The following ACACB variants were observed in gnomAD, a reference collection of about 807,000 sequenced individuals.
The protein encoded by ACACB is acetyl-CoA carboxylase 2.
Under a neutral mutation model 278.8 loss-of-function variants are expected in ACACB, and 209 were observed. The observed-to-expected ratio is 0.75, with a 90% CI of 0.67 to 0.84. The LOEUF (loss-of-function observed/expected upper bound fraction) is 0.84. Ranked by LOEUF, ACACB falls within the 40% of genes least tolerant of loss-of-function variation. The probability of loss-of-function intolerance (pLI) is 0.00; values close to 1 mark genes in which losing one functional copy is unlikely to be tolerated. For missense variants in ACACB, 2,850 were observed against 3,269.0 expected (o/e 0.87, Z 3.13); for synonymous variants, 1,174 against 1,285.6 (o/e 0.91, Z 1.86).
chr12:109,149,132 A>G (rs963961343), intron 2 of ACACB, among the ~76,000 whole-genome samples: 12 of 152,272 alleles, frequency 7.9e-5, no homozygotes, highest in Admixed American at 2.0e-4. Flanking sequence ...TGGATGTGAA[A>G]TCAGTCAACG....
At chr12:109,146,056 T>G (rs1340680091) in intron 2 of ACACB, among the ~76,000 whole-genome samples, 1 of 152,212 alleles carries the variant, frequency 6.6e-6, no homozygotes, top group Non-Finnish European at 1.5e-5. Context: ...CTAAATAATC[T>G]GTATCCTCTG....
At chr12:109,166,800 C>T (rs975360803) in intron 2 of ACACB, 61 bp from the exon 3 acceptor site, 21 of 1,610,036 alleles carry the variant, frequency 1.3e-5, no homozygotes, top group Non-Finnish European at 1.7e-5. Flanking sequence ...TTACAGGTGC[C>T]GAGCTCTGAG....
intron 2 of ACACB, among the ~76,000 whole-genome samples, chr12:109,164,480 C>T (rs2043835222): frequency 6.6e-6 from 1 of 152,146 alleles, no homozygotes; most frequent in Admixed American, 6.5e-5. Flanking sequence ...GATCTACCCA[C>T]CTCAGCCTCC....
chr12:109,119,589 CAAA>C (rs11360249), intron 1 of ACACB, among the ~76,000 whole-genome samples: 3 of 120,488 alleles, frequency 2.5e-5, no homozygotes, highest in Admixed American at 8.3e-5. Context: ...GACTCTGTCT[CAAA>C]AAAAAAAAAA....
intron 13 of ACACB, among the ~76,000 whole-genome samples, chr12:109,189,282 T>G (rs2044778742): frequency 6.6e-6 from 1 of 152,186 alleles, no homozygotes; most frequent in Non-Finnish European, 1.5e-5. Flanking sequence ...ATGATCAGGT[T>G]TTCTTTGCCA....
At chr12:109,132,106 T>C (rs1181921559) in intron 1 of ACACB, among the ~76,000 whole-genome samples, 2 of 152,182 alleles carry the variant, frequency 1.3e-5, no homozygotes, top group Non-Finnish European at 2.9e-5. Context: ...GATCCACAGT[T>C]TACCAAGCTG....
intron 2 of ACACB, among the ~76,000 whole-genome samples, chr12:109,166,357 C>T (rs935828061): frequency 1.2e-4 from 18 of 151,980 alleles, no homozygotes; most frequent in Non-Finnish European, 4.4e-5. Context: ...AGAAACTGCT[C>T]CTTCTAGTTC....
chr12:109,235,876 G>A (rs1222986097), intron 33 of ACACB: 8 of 480,700 alleles, frequency 1.7e-5, no homozygotes, highest in African/African-American at 3.9e-5. Context: ...ATGCAAGCCT[G>A]TGGTCCCAGC....
intron 7 of ACACB, 113 bp downstream of exon 7, chr12:109,174,343 C>T: frequency 1.2e-6 from 1 of 810,968 alleles, no homozygotes; most frequent in Non-Finnish European, 1.8e-6. Context: ...ACAAATGTTA[C>T]TTACTTTTAT....
chr12:109,210,269 A>ATATGTATATATGTATATG, intron 21 of ACACB, among the ~76,000 whole-genome samples: 1 of 7,880 alleles, frequency 1.3e-4, no homozygotes, highest in East Asian at 4.5e-3. Context: ...GTGTATATGT[A>ATATGTATATATGTATATG]CATATACACA....
chr12:109,173,472 TTTTC>T (rs1242874035), intron 6 of ACACB, among the ~76,000 whole-genome samples: 1 of 152,082 alleles, frequency 6.6e-6, no homozygotes, highest in Non-Finnish European at 1.5e-5. Context: ...CCCATTGACG[TTTTC>T]TTTGTCTGTG....
intron 16 of ACACB, among the ~76,000 whole-genome samples, chr12:109,194,938 G>C (rs970381956): frequency 6.6e-6 from 1 of 152,124 alleles, no homozygotes; most frequent in African/African-American, 2.4e-5. Context: ...TCTGCACCAC[G>C]TGTAGATTAC....
chr12:109,208,173 G>A (rs1387769646), intron 20 of ACACB, among the ~76,000 whole-genome samples: 3 of 151,762 alleles, frequency 2.0e-5, no homozygotes, highest in Admixed American at 6.6e-5. Context: ...TGTGCTCTTC[G>A]CCCCCACGTT....
chr12:109,221,715 G>A (rs915627807), intron 24 of ACACB, among the ~76,000 whole-genome samples: 1 of 152,116 alleles, frequency 6.6e-6, no homozygotes, highest in Admixed American at 6.5e-5. Context: ...GCTGGCTTTG[G>A]GGTGAGGCAT....
intron 11 of ACACB, among the ~76,000 whole-genome samples, chr12:109,184,548 T>C (rs538442222): frequency 6.6e-6 from 1 of 152,214 alleles, no homozygotes; most frequent in Non-Finnish European, 1.5e-5. Flanking sequence ...TTTTCCCTGT[T>C]GTTCCAATAA....
chr12:109,112,287 A>G (rs1488161867), upstream of ACACB, among the ~76,000 whole-genome samples: 3 of 147,402 alleles, frequency 2.0e-5, no homozygotes, highest in Non-Finnish European at 4.4e-5. Flanking sequence ...GTATATATGT[A>G]TATATATTCA....
chr12:109,142,088 A>C (rs958181110), intron 2 of ACACB, among the ~76,000 whole-genome samples: 3 of 152,074 alleles, frequency 2.0e-5, no homozygotes, highest in Non-Finnish European at 4.4e-5. Flanking sequence ...TCTCTAAAAA[A>C]AAAATTAAGA....
intron 19 of ACACB, among the ~76,000 whole-genome samples, chr12:109,202,580 G>T (rs2136341404): frequency 6.6e-6 from 1 of 152,216 alleles, no homozygotes; most frequent in Admixed American, 6.5e-5. Flanking sequence ...CTCCCAAAGT[G>T]ATGGGATTAC....
At chr12:109,141,140 C>G (rs766519085) in intron 2 of ACACB, among the ~76,000 whole-genome samples, 14 of 152,100 alleles carry the variant, frequency 9.2e-5, no homozygotes. Flanking sequence ...TGGACTCAAG[C>G]GATCCTCGGT....
Sources: gnomAD v4.1 joint callset for allele counts (sites outside exome capture counted in the v4.1 genomes callset) on GRCh38, gnomAD v4.1.1 for gene constraint, MANE v1.5 for transcripts, NCBI Gene and HGNC (gene_info 2026-07-23, HGNC 2026-07-21) for gene names.